The following CHD7 variants were observed in gnomAD, a reference collection of about 807,000 sequenced individuals.
The protein encoded by CHD7 is chromodomain helicase DNA binding protein 7, also known as ATP-dependent chromatin remodeler CHD7.
CHD7 carries 24 observed loss-of-function variants against 307.3 expected under a neutral mutation model. The observed-to-expected ratio is 0.08, with a 90% confidence interval of 0.06 to 0.11. The LOEUF is 0.11. Among genes scored for constraint, CHD7 ranks in the 10% least tolerant of loss-of-function variants. The pLI, the probability that CHD7 is intolerant of heterozygous loss-of-function variation, is 1.00. For synonymous variants in CHD7, 1,363 were observed against 1,349.9 expected (o/e 1.01, Z -0.21); for missense variants, 3,106 against 3,727.1 (o/e 0.83, Z 4.34).
rs4540437 is a variant in CHD7, at chr8:60,795,166, G to A, written c.2238+39G>A. On this transcript the variant is annotated intron_variant, in intron 4 of 37. Coordinates refer to ENST00000423902, the MANE Select transcript of CHD7 (RefSeq NM_017780.4). ...TGTGATTCCCGAGCCTTGGTTATTT[G>A]GCATGGGTAACTTTAGCCATGTATG... 1,267,788 of 1,598,936 alleles carry A rather than the reference G, an allele frequency of 0.79. 505,823 individuals carry two copies. The highest frequency in any genetic ancestry group is 0.95 in the East Asian group (42,432 of 44,756).
At chr8:60,766,893 G>A (rs954051195) in intron 2 of CHD7, among the ~76,000 whole-genome samples, 1 of 152,196 alleles carries the variant, frequency 6.6e-6, no homozygotes, top group Non-Finnish European at 1.5e-5. Flanking sequence ...TTGACATATA[G>A]GTAGTATTTA....
intron 3 of CHD7, among the ~76,000 whole-genome samples, chr8:60,783,721 A>G (rs1181116892): frequency 6.6e-6 from 1 of 152,118 alleles, no homozygotes; most frequent in Non-Finnish European, 1.5e-5. Context: ...GCGGATTTAC[A>G]GGTTAAACGG....
chr8:60,838,228 A>G lies in CHD7; in HGVS notation c.4506A>G (p.Ser1502=), dbSNP rs1230771491. Residue 1502 remains serine, a synonymous_variant, in exon 19 of 38, where the codon TCA becomes TCG. Transcript: ENST00000423902. ...LRRTHTITIE[S]EGKGSTFAKA... ...GAACCCACACCATTACCATTGAGTCAGAAGGGAAAGGTTCCACATTTGCTA... is the reference window on the plus strand; with the variant it reads ...GAACCCACACCATTACCATTGAGTCGGAAGGGAAAGGTTCCACATTTGCTA... 1.9e-6 allele frequency: 3 copies of G among 1,604,690 alleles called. No individual in the cohort carries two copies. The highest frequency in any genetic ancestry group is 1.7e-4 in the Middle Eastern group (1 of 6,054).
chr8:60,770,552 CTGTT>C (rs568248331), intron 2 of CHD7, among the ~76,000 whole-genome samples: 39 of 152,346 alleles, frequency 2.6e-4, no homozygotes, highest in African/African-American at 6.7e-4. Flanking sequence ...GTTAAACTGA[CTGTT>C]TGTAATATGC....
At position 60,836,931 on chromosome 8, in the gene CHD7, A is replaced by G. The variant is rs199842064; in HGVS notation, c.4104A>G (p.Ala1368=). 3.1e-6 allele frequency: 5 copies of G among 1,613,832 alleles called. No homozygotes were observed. In the East Asian group the frequency reaches 1.1e-4, roughly 36 times the overall value. ...TTGTTTTCCTCCTGTGTACAAGGGC[A>G]GGAGGTTTAGGCATTAACCTCACTG... ...DRFVFLLCTR[A]GGLGINLTAA... The change falls in exon 17 of 38, where the codon GCA becomes GCG. Residue 1368 remains alanine (A), a synonymous_variant. Transcript: ENST00000423902.
intron 3 of CHD7, among the ~76,000 whole-genome samples, chr8:60,789,738 G>A (rs957927527): frequency 9.9e-5 from 15 of 152,194 alleles, no homozygotes; most frequent in African/African-American, 3.6e-4. Flanking sequence ...AGAAGGAATT[G>A]GTTATCTATA....
At chr8:60,861,791 A>T (rs980783582) in intron 35 of CHD7, 1 of 156,642 alleles carries the variant, frequency 6.4e-6, no homozygotes, top group Non-Finnish European at 1.4e-5. Flanking sequence ...CCCCTACAAG[A>T]TCTGTCTGTT....
At chr8:60,863,598 A>C (rs973625304) in intron 37 of CHD7, 3 of 152,190 alleles carry the variant, frequency 2.0e-5, no homozygotes, top group Admixed American at 2.0e-4. Flanking sequence ...AAATATAATT[A>C]CATTTTCCAT....
intron 23 of CHD7, among the ~76,000 whole-genome samples, chr8:60,846,952 C>T (rs1805234988): frequency 6.6e-6 from 1 of 152,206 alleles, no homozygotes; most frequent in South Asian, 2.1e-4. Context: ...TTACCTCCAA[C>T]CCTTTTGGTA....
At chr8:60,861,482 A>C (rs548359482) in intron 35 of CHD7, 1 of 185,618 alleles carries the variant, frequency 5.4e-6, no homozygotes, top group African/African-American at 2.3e-5. Context: ...CAGTCTCCAG[A>C]CGAGGCCCCG....
chr8:60,768,723 A>G (rs1810580983), intron 2 of CHD7, among the ~76,000 whole-genome samples: 1 of 152,242 alleles, frequency 6.6e-6, no homozygotes, highest in African/African-American at 2.4e-5. Flanking sequence ...GAAACTGAAG[A>G]GAAAATCTTT....
intron 32 of CHD7, among the ~76,000 whole-genome samples, chr8:60,855,474 G>A (rs1327883026): frequency 2.0e-5 from 3 of 152,172 alleles, no homozygotes; most frequent in Non-Finnish European, 4.4e-5. Flanking sequence ...GTGTTCCTAG[G>A]TTGGTGCCCA....
chr8:60,861,092 T>A lies in CHD7; in HGVS notation c.7797T>A (p.Pro2599=), dbSNP rs745921099. The A allele has an allele frequency of 2.5e-6, 4 of 1,605,696 alleles. No homozygotes were observed. The East Asian group carries it at 6.7e-5, about 27-fold the overall frequency. The change falls in exon 35 of 38, where the codon CCT becomes CCA. Residue 2599 remains proline, a synonymous_variant. Coordinates refer to ENST00000423902, the MANE Select transcript of CHD7 (RefSeq NM_017780.4). ...TAGTTGAATGGCTGAAGCTGCACCC[T>A]ACTTACACTGTTGATATGCCAAGTT... ...KDLVEWLKLH[P]TYTVDMPSYV... is the part of the protein sequence containing the mutation.
chr8:60,736,820 G>A (rs1326326589), intron 1 of CHD7, among the ~76,000 whole-genome samples: 3 of 152,148 alleles, frequency 2.0e-5, no homozygotes, highest in East Asian at 1.9e-4. Context: ...AAGGTGTTAC[G>A]TATTCACCTA....
chr8:60,829,488 C>A (rs986004117), intron 14 of CHD7, among the ~76,000 whole-genome samples: 1 of 151,664 alleles, frequency 6.6e-6, no homozygotes, highest in African/African-American at 2.4e-5. Flanking sequence ...GTAGCCCCAG[C>A]TACTCTGGAC....
rs267606724 is a variant in CHD7, at chr8:60,841,997, C to G, written c.4795C>G (p.Gln1599Glu). Residue 1599 changes from glutamine (Q) to glutamate (E), a missense_variant, in exon 21 of 38, where the codon CAG becomes GAG. Coordinates refer to ENST00000423902, the MANE Select transcript of CHD7 (RefSeq NM_017780.4). ...GCCACGGCGTCCCCAGGATAAGTCA[C>G]AGGGCTATGCAAGGAGTGAATGTTT... ...AKPRRPQDKS[Q>E]GYARSECFRV... 20 of 1,613,964 alleles carry G rather than the reference C, an allele frequency of 1.2e-5. No individual in the cohort carries two copies. The highest frequency in any genetic ancestry group is 1.7e-5 in the Non-Finnish European group (20 of 1,179,874).
At chr8:60,749,172 A>T (rs1197085313) in intron 2 of CHD7, among the ~76,000 whole-genome samples, 2 of 151,830 alleles carry the variant, frequency 1.3e-5, no homozygotes, top group African/African-American at 2.4e-5. Context: ...GGAGTTCGAG[A>T]CTAGTCTGGC....
At chr8:60,751,022 C>T (rs62524956) in intron 2 of CHD7, among the ~76,000 whole-genome samples, 2,777 of 152,124 alleles carry the variant, frequency 0.018, 54 homozygotes, top group South Asian at 0.058. Flanking sequence ...TGACAAGATA[C>T]GTTATTGAAG....
At chr8:60,687,843 A>G (rs1805989778) in intron 1 of CHD7, among the ~76,000 whole-genome samples, 1 of 152,174 alleles carries the variant, frequency 6.6e-6, no homozygotes, top group African/African-American at 2.4e-5. Context: ...GTGGTGGAGG[A>G]GGAATTTGAA....
Sources: allele counts gnomAD v4.1 joint callset (sites outside exome capture counted in the v4.1 genomes callset), GRCh38; gene constraint gnomAD v4.1.1; transcripts MANE v1.5; gene names NCBI Gene and HGNC (gene_info 2026-07-23, HGNC 2026-07-21).